The following RASSF8 variants were observed in gnomAD, a reference collection of about 807,000 sequenced individuals.
RASSF8 encodes ras association domain-containing protein 8.
RASSF8 carries 22 observed loss-of-function variants against 48.5 expected under a neutral mutation model. The ratio of observed to expected loss-of-function variants is 0.45; its 90% CI spans 0.32 to 0.65. The LOEUF is 0.65. Ranked by LOEUF, RASSF8 falls within the 30% of genes least tolerant of loss-of-function variation. The pLI, the probability that RASSF8 is intolerant of heterozygous loss-of-function variation, is 0.03. For synonymous variants in RASSF8, 127 were observed against 171.5 expected, an observed-to-expected ratio of 0.74 and a Z score of 2.03; for missense variants, 418 against 489.2, an observed-to-expected ratio of 0.85 and a Z score of 1.37.
At chr12:26,072,986 T>A (rs1344595019), downstream of RASSF8, 1 of 299,064 alleles carries the variant, frequency 3.3e-6, no homozygotes, top group East Asian at 1.7e-4. Context: ...ACATTTTTCA[T>A]ATATACTTAA....
downstream of RASSF8, among the ~76,000 whole-genome samples, chr12:26,076,508 A>C (rs1274947519): frequency 1.3e-5 from 2 of 152,136 alleles, no homozygotes; most frequent in Non-Finnish European, 2.9e-5. Context: ...GAGTGAGAAC[A>C]TGTGGTGTTT....
At chr12:25,989,606 A>G (rs189752691) in intron 1 of RASSF8, among the ~76,000 whole-genome samples, 82 of 152,144 alleles carry the variant, frequency 5.4e-4, no homozygotes, top group African/African-American at 1.9e-3. Context: ...TGGTTTAAAC[A>G]AAAATGATTA....
chr12:26,058,312 A>C (rs997432295), intron 3 of RASSF8, among the ~76,000 whole-genome samples: 6 of 152,186 alleles, frequency 3.9e-5, no homozygotes, highest in Non-Finnish European at 7.3e-5. Flanking sequence ...TTCTGTGGTG[A>C]GAGTTTATTA....
intron 2 of RASSF8, among the ~76,000 whole-genome samples, chr12:26,042,385 G>C (rs1943283949): frequency 6.6e-6 from 1 of 152,306 alleles, no homozygotes; most frequent in South Asian, 2.1e-4. Flanking sequence ...ACCAGAATCT[G>C]AAAATGGCTT....
At chr12:26,036,820 G>A (rs1050757938) in intron 2 of RASSF8, among the ~76,000 whole-genome samples, 2 of 152,038 alleles carry the variant, frequency 1.3e-5, no homozygotes, top group African/African-American at 4.8e-5. Context: ...GGAAGCTGAG[G>A]CAGGAGAATC....
chr12:25,958,741 GCCCGCGCTCGTCCGGCGC>G lies in RASSF8; in HGVS notation c.-602_-585del, dbSNP rs1218515574. Among the ~76,000 whole-genome samples, 1 of 146,228 alleles carries G rather than the reference GCCCGCGCTCGTCCGGCGC, an allele frequency of 6.8e-6. No homozygotes were observed. The highest frequency in any genetic ancestry group is 2.5e-5 in the African/African-American group (1 of 40,698). On this transcript the variant is annotated 5_prime_UTR_variant, in exon 1 of 6. Transcript: ENST00000689635. ...ACTCCTACGCCCGCGCTCCTCCTAC[GCCCGCGCTCGTCCGGCGC>G]CCCGCGCCGCGCCCCGCTCAGCGTC...
intron 3 of RASSF8, 48 bp downstream of exon 3, chr12:26,055,494 T>C: frequency 7.0e-7 from 1 of 1,427,064 alleles, no homozygotes; most frequent in Non-Finnish European, 9.9e-7. Context: ...GTGCTTTCTT[T>C]CGTTGTATGT....
intron 2 of RASSF8, among the ~76,000 whole-genome samples, chr12:26,033,755 C>T (rs1268500847): frequency 6.6e-6 from 1 of 151,944 alleles, no homozygotes; most frequent in Non-Finnish European, 1.5e-5. Context: ...CTGCCTTGTC[C>T]CTGTCAAGTT....
At chr12:26,001,888 G>A (rs1313644337) in intron 2 of RASSF8, among the ~76,000 whole-genome samples, 1 of 152,160 alleles carries the variant, frequency 6.6e-6, no homozygotes, top group Non-Finnish European at 1.5e-5. Flanking sequence ...CAAATATTAT[G>A]CATTGTAAAT....
At chr12:25,959,492 T>A (rs1165334975) in intron 1 of RASSF8, 1 of 152,276 alleles carries the variant, frequency 6.6e-6, no homozygotes, top group Non-Finnish European at 1.5e-5. Context: ...TTTTAAAATA[T>A]TTTTTCCTCC....
intron 2 of RASSF8, among the ~76,000 whole-genome samples, chr12:26,039,485 G>T (rs1225660707): frequency 2.0e-5 from 3 of 151,868 alleles, no homozygotes; most frequent in Non-Finnish European, 2.9e-5. Context: ...TGGGGGCGGG[G>T]GTCGGTGTTG....
At chr12:25,968,188 A>G (rs1941401769) in intron 1 of RASSF8, among the ~76,000 whole-genome samples, 1 of 152,200 alleles carries the variant, frequency 6.6e-6, no homozygotes, top group Admixed American at 6.5e-5. Context: ...TTCATGCCAC[A>G]GGCATCCATA....
At chr12:26,074,526 G>A (rs936460878), downstream of RASSF8, among the ~76,000 whole-genome samples, 20 of 149,666 alleles carry the variant, frequency 1.3e-4, 1 homozygote, top group African/African-American at 4.7e-4. Context: ...TTTTTTTTTA[G>A]TAGAGACGGG....
At chr12:26,041,308 A>G (rs1565632473) in intron 2 of RASSF8, among the ~76,000 whole-genome samples, 1 of 152,216 alleles carries the variant, frequency 6.6e-6, no homozygotes, top group Non-Finnish European at 1.5e-5. Flanking sequence ...TTTAATATAT[A>G]CAGCTTTTAG....
downstream of RASSF8, among the ~76,000 whole-genome samples, chr12:26,073,112 T>A (rs1159918806): frequency 6.6e-6 from 1 of 152,220 alleles, no homozygotes; most frequent in East Asian, 1.9e-4. Flanking sequence ...ATCTCTGTAT[T>A]CCCAGATTTC....
chr12:26,057,348 G>C (rs1591809208), intron 3 of RASSF8, among the ~76,000 whole-genome samples: 1 of 152,120 alleles, frequency 6.6e-6, no homozygotes, highest in African/African-American at 2.4e-5. Context: ...TCATTGTTCA[G>C]TTCCCACCTA....
At chr12:26,025,951 G>A (rs1208989138) in intron 2 of RASSF8, among the ~76,000 whole-genome samples, 1 of 152,102 alleles carries the variant, frequency 6.6e-6, no homozygotes, top group African/African-American at 2.4e-5. Context: ...GCAAAAGAGT[G>A]AAGTTAGCCC....
At chr12:25,990,459 TTA>T (rs894415088) in intron 1 of RASSF8, among the ~76,000 whole-genome samples, 11 of 152,230 alleles carry the variant, frequency 7.2e-5, no homozygotes, top group African/African-American at 2.4e-5. Context: ...TAAAGGTTTA[TTA>T]TATAAATAAT....
intron 1 of RASSF8, among the ~76,000 whole-genome samples, chr12:25,980,602 G>T (rs1592227980): frequency 6.6e-6 from 1 of 152,274 alleles, no homozygotes; most frequent in Non-Finnish European, 1.5e-5. Flanking sequence ...AGCTGGATTT[G>T]TGCTTTACAG....
Sources: allele counts gnomAD v4.1 joint callset (sites outside exome capture counted in the v4.1 genomes callset), GRCh38; gene constraint gnomAD v4.1.1; transcripts MANE v1.5; gene names NCBI Gene and HGNC (gene_info 2026-07-23, HGNC 2026-07-21).